Variants in MARK1 observed in about 807,000 individuals in gnomAD.
MARK1 encodes the protein serine/threonine-protein kinase MARK1.
In MARK1, 40 loss-of-function variants were observed where a neutral mutation model predicts 96.3. The ratio of observed to expected loss-of-function variants is 0.42; its 90% CI spans 0.32 to 0.54. The LOEUF (loss-of-function observed/expected upper bound fraction) is 0.54. Ranked by LOEUF, MARK1 falls within the 20% of genes least tolerant of loss-of-function variation. MARK1 has a pLI of 0.16. For missense variants in MARK1, 719 were observed against 984.6 expected (o/e 0.73, Z 3.61); for synonymous variants, 317 against 341.2 (o/e 0.93, Z 0.78).
At chr1:220,564,703 C>G (rs1296049456) in intron 1 of MARK1, among the ~76,000 whole-genome samples, 1 of 151,968 alleles carries the variant, frequency 6.6e-6, no homozygotes, top group Non-Finnish European at 1.5e-5. Flanking sequence ...TTAGTTTTTC[C>G]TACTAACCTT....
At chr1:220,584,246 T>C (rs1380449142) in intron 3 of MARK1, among the ~76,000 whole-genome samples, 2 of 152,190 alleles carry the variant, frequency 1.3e-5, no homozygotes, top group Non-Finnish European at 2.9e-5. Flanking sequence ...TGTTATATTA[T>C]GTTGCATATT....
intron 1 of MARK1, among the ~76,000 whole-genome samples, chr1:220,553,700 T>A (rs1662038304): frequency 6.6e-6 from 1 of 152,164 alleles, no homozygotes; most frequent in Non-Finnish European, 1.5e-5. Flanking sequence ...TTGCTCAGTG[T>A]TTACTAGAGT....
At position 220,654,266 on chromosome 1, in the gene MARK1, G is replaced by A. The variant is rs2103062129; in HGVS notation, c.1988+914G>A. 6.6e-6 allele frequency among the ~76,000 whole-genome samples: 1 copy of A among 152,312 alleles called. No homozygotes were observed. Among genetic ancestry groups the A allele is most frequent in the South Asian group, 2.1e-4 (1 of 4,822 alleles). ...ACCCTATCATATAATCATTTCAGCT[G>A]AGCCTTCAATGATGGGTAAGAAATA... On this transcript the variant is annotated intron_variant, in intron 16 of 17. Coordinates refer to ENST00000366917, the MANE Select transcript of MARK1 (RefSeq NM_018650.5). This position sits in a 1 kb window ranked among gnomAD's most constrained non-coding sequence, Gnocchi z 4.0.
At chr1:220,556,502 A>AC (rs1309065314) in intron 1 of MARK1, among the ~76,000 whole-genome samples, 3 of 148,808 alleles carry the variant, frequency 2.0e-5, no homozygotes, top group East Asian at 2.0e-4. Context: ...AAAAAAAAAA[A>AC]AAAACAAATT....
At chr1:220,548,355 T>C (rs937203510) in intron 1 of MARK1, among the ~76,000 whole-genome samples, 22 of 152,268 alleles carry the variant, frequency 1.4e-4, no homozygotes, top group African/African-American at 5.1e-4. Context: ...TACTGGATTT[T>C]GTTAGATTTA....
intron 7 of MARK1, among the ~76,000 whole-genome samples, chr1:220,616,362 T>C (rs779923102): frequency 7.9e-5 from 12 of 152,198 alleles, no homozygotes; most frequent in Non-Finnish European, 1.6e-4. Context: ...ACACTCTACC[T>C]TAAAGCTCAA....
intron 1 of MARK1, among the ~76,000 whole-genome samples, chr1:220,577,883 A>T (rs1316253089): frequency 6.6e-6 from 1 of 152,238 alleles, no homozygotes; most frequent in South Asian, 2.1e-4. Flanking sequence ...AGCGCATCCA[A>T]CACAGAATGA....
At chr1:220,581,672 T>A (rs1664249930) in intron 3 of MARK1, among the ~76,000 whole-genome samples, 1 of 152,184 alleles carries the variant, frequency 6.6e-6, no homozygotes, top group Non-Finnish European at 1.5e-5. Flanking sequence ...CTCTTCTTCC[T>A]TCTTCCACAA....
chr1:220,564,898 A>G (rs1313552841), intron 1 of MARK1, among the ~76,000 whole-genome samples: 2 of 152,132 alleles, frequency 1.3e-5, no homozygotes, highest in Non-Finnish European at 2.9e-5. Context: ...AATACCAAAG[A>G]AGAAGTATCC....
chr1:220,634,018 C>G (rs1667815810), intron 11 of MARK1, among the ~76,000 whole-genome samples: 4 of 152,138 alleles, frequency 2.6e-5, no homozygotes, highest in Admixed American at 2.6e-4. Context: ...ACTAATTAAT[C>G]CAATCCTCCC....
chr1:220,538,981 G>A (rs1342477038), intron 1 of MARK1, among the ~76,000 whole-genome samples: 8 of 151,496 alleles, frequency 5.3e-5, no homozygotes, highest in Non-Finnish European at 1.2e-4. Context: ...GAGACAATGG[G>A]GTTTTCTAGA....
intron 13 of MARK1, among the ~76,000 whole-genome samples, chr1:220,649,325 C>T (rs1180512929): frequency 6.6e-6 from 1 of 151,884 alleles, no homozygotes; most frequent in Non-Finnish European, 1.5e-5. Flanking sequence ...TTCTTGGGCT[C>T]AGGTAATCCT....
intron 7 of MARK1, among the ~76,000 whole-genome samples, chr1:220,616,610 A>G (rs1558300797): frequency 6.6e-6 from 1 of 151,984 alleles, no homozygotes; most frequent in Non-Finnish European, 1.5e-5. Context: ...TTTCTGTTTT[A>G]CTTTTTTCCT....
At chr1:220,586,029 A>T (rs1407854200) in intron 3 of MARK1, among the ~76,000 whole-genome samples, 14 of 117,366 alleles carry the variant, frequency 1.2e-4, no homozygotes, top group African/African-American at 3.8e-4. Context: ...GTGCGCAGAG[A>T]GAGAGAGTTT....
In MARK1 at chr1:220,641,122, G is replaced by A. The variant is rs922485352; in HGVS notation, c.1470+5096G>A. Among the ~76,000 whole-genome samples the A allele has an allele frequency of 3.9e-5, 6 of 152,280 alleles. No homozygotes were observed. The Middle Eastern group carries it at 0.02, about 518-fold the overall frequency. On this transcript the variant is annotated intron_variant, in intron 13 of 17. Transcript: ENST00000366917. ...ATATGTTGTGCTGTTTTTGAATCAA[G>A]AAAACAATAAAACTTGTAAAGGTAT...
rs1377674140 is a variant in MARK1, at chr1:220,636,102, CA to C, written c.1470+77del. The C allele has an allele frequency of 6.6e-6, 7 of 1,060,046 alleles. No individual in the cohort carries two copies. In the African/African-American group the frequency reaches 9.9e-5, roughly 15 times the overall value. The allele number at this position is 1,060,046 out of a possible 1,614,324, so 65.7% of individuals were successfully genotyped here. ...GGTTATGTGTAAAATTTTTATCTTTCATTTTTTTAAATGATTGAAAAATTTA... is the reference window on the plus strand; with the variant it reads ...GGTTATGTGTAAAATTTTTATCTTTCTTTTTTTAAATGATTGAAAAATTTA... On this transcript the variant is annotated intron_variant, in intron 13 of 17. Coordinates refer to ENST00000366917, the MANE Select transcript of MARK1 (RefSeq NM_018650.5).
intron 13 of MARK1, among the ~76,000 whole-genome samples, chr1:220,638,933 A>G (rs1668122069): frequency 6.6e-6 from 1 of 152,176 alleles, no homozygotes; most frequent in African/African-American, 2.4e-5. Flanking sequence ...TAATTCTTCT[A>G]TAGGTTTTCC....
At chr1:220,647,225 TA>T (rs957576513) in intron 13 of MARK1, among the ~76,000 whole-genome samples, 19 of 151,578 alleles carry the variant, frequency 1.3e-4, no homozygotes, top group Non-Finnish European at 2.7e-4. Context: ...AGAACCCCAT[TA>T]AAAAGTGGGC....
intron 13 of MARK1, among the ~76,000 whole-genome samples, chr1:220,646,221 C>CA (rs1188081273): frequency 6.6e-6 from 1 of 152,134 alleles, no homozygotes; most frequent in Non-Finnish European, 1.5e-5. Flanking sequence ...TCTCAGGATA[C>CA]AAAATCAATG....
Sources: gnomAD v4.1 joint callset for allele counts (sites outside exome capture counted in the v4.1 genomes callset) on GRCh38, gnomAD v4.1.1 for gene constraint, Gnocchi (gnomAD v3.1) non-coding constraint, MANE v1.5 for transcripts, NCBI Gene and HGNC (gene_info 2026-07-23, HGNC 2026-07-21) for gene names.